CNOT6L: variants seen among roughly 807,000 people sequenced by gnomAD.
CNOT6L encodes CCR4-NOT transcription complex subunit 6 like.
In CNOT6L, 7 loss-of-function variants were observed where a neutral mutation model predicts 64.0. The ratio of observed to expected loss-of-function variants is 0.11; its 90% CI spans 0.06 to 0.21. The LOEUF (loss-of-function observed/expected upper bound fraction) is 0.21. CNOT6L is among the 10% of genes least tolerant of loss of function. The pLI, the probability that CNOT6L is intolerant of heterozygous loss-of-function variation, is 1.00. For missense variants in CNOT6L, 245 were observed against 669.0 expected, an observed-to-expected ratio of 0.37 and a Z score of 6.99; for synonymous variants, 193 against 243.4, an observed-to-expected ratio of 0.79 and a Z score of 1.93.
intron 1 of CNOT6L, among the ~76,000 whole-genome samples, chr4:77,777,950 G>A (rs1728333150): frequency 1.3e-5 from 2 of 152,206 alleles, no homozygotes; most frequent in Non-Finnish European, 2.9e-5. Context: ...GGAGCAAAGA[G>A]AAAGTTTTCC....
At chr4:77,794,990 G>C (rs1256685174) in intron 1 of CNOT6L, among the ~76,000 whole-genome samples, 1 of 150,920 alleles carries the variant, frequency 6.6e-6, no homozygotes, top group African/African-American at 2.4e-5. Flanking sequence ...TCTACATACA[G>C]GTAACAAGCA....
At chr4:77,788,810 C>G (rs1729758809) in intron 1 of CNOT6L, among the ~76,000 whole-genome samples, 1 of 151,166 alleles carries the variant, frequency 6.6e-6, no homozygotes, top group Non-Finnish European at 1.5e-5. Context: ...AAAAATTAAC[C>G]TCATTCTAAA....
At position 77,718,664 on chromosome 4, in the gene CNOT6L, T is replaced by TGAC. The variant is rs1379558112; in HGVS notation, c.*1764_*1766dup. 1 of 152,564 alleles carries TGAC rather than the reference T, an allele frequency of 6.6e-6. No homozygotes were observed. The highest frequency in any genetic ancestry group is 2.4e-5 in the African/African-American group (1 of 41,434). The allele number at this position is 152,564 out of a possible 1,614,324, so 9.5% of individuals were successfully genotyped here. A position where few individuals can be genotyped will look rare whatever the true frequency, so the allele number is the denominator to read the frequency against. On this transcript the variant is annotated 3_prime_UTR_variant, in exon 12 of 12. Coordinates refer to ENST00000504123, the MANE Select transcript of CNOT6L (RefSeq NM_144571.3). The stretch of plus-strand genomic sequence containing the variant: ...TTCTGATGCAATCCCATGTATGATA[T>TGAC]GACATCATCCCACCACCCTCGTCCC...
intron 1 of CNOT6L, among the ~76,000 whole-genome samples, chr4:77,783,284 A>G (rs181661912): frequency 2.0e-5 from 3 of 152,260 alleles, no homozygotes; most frequent in Admixed American, 2.0e-4. Context: ...TATTTATTGC[A>G]TGCCTATTCC....
intron 1 of CNOT6L, among the ~76,000 whole-genome samples, chr4:77,799,658 T>G (rs2110137525): frequency 7.0e-6 from 1 of 142,814 alleles, no homozygotes; most frequent in African/African-American, 2.6e-5. Flanking sequence ...GAGCTGAGAT[T>G]GTGCCATTGC....
chr4:77,775,652 C>A (rs1469540603), intron 2 of CNOT6L, among the ~76,000 whole-genome samples: 2 of 152,134 alleles, frequency 1.3e-5, no homozygotes, highest in South Asian at 2.1e-4. Context: ...ACGCAGGCTA[C>A]CATTTTGCAT....
At position 77,715,314 on chromosome 4, in the gene CNOT6L, A is replaced by C. The variant is rs1368326540; in HGVS notation, c.*5117T>G. The C allele has an allele frequency of 6.6e-6, 1 of 152,100 alleles. No homozygotes were observed. Among genetic ancestry groups the C allele is most frequent in the Non-Finnish European group, 1.5e-5 (1 of 68,004 alleles). The allele number at this position is 152,100 out of a possible 1,614,324, so 9.4% of individuals were successfully genotyped here. A position where few individuals can be genotyped will look rare whatever the true frequency, so the allele number is the denominator to read the frequency against. On this transcript the variant is annotated 3_prime_UTR_variant, in exon 12 of 12. Transcript: ENST00000504123. Reference sequence around the variant, plus strand: ...TTTGTTTCTGATGACATACTTCTAAAATGCAGTTCAATGCTACTCAGTTTA... The same window carrying C: ...TTTGTTTCTGATGACATACTTCTAACATGCAGTTCAATGCTACTCAGTTTA...
At chr4:77,742,022 G>C (rs1723653963) in intron 8 of CNOT6L, 119 bp downstream of exon 8, 2 of 847,158 alleles carry the variant, frequency 2.4e-6, no homozygotes, top group Non-Finnish European at 3.6e-6. Flanking sequence ...GTTTTAAGTT[G>C]CATAATACTT....
At chr4:77,812,461 A>C (rs1225841628) in intron 1 of CNOT6L, among the ~76,000 whole-genome samples, 1 of 151,194 alleles carries the variant, frequency 6.6e-6, no homozygotes, top group Admixed American at 6.6e-5. Context: ...AAAAAAAACT[A>C]TTAGAACTAA....
chr4:77,732,223 T>A (rs1391974673), intron 8 of CNOT6L, among the ~76,000 whole-genome samples: 1 of 152,142 alleles, frequency 6.6e-6, no homozygotes, highest in Non-Finnish European at 1.5e-5. Flanking sequence ...TCTGCACTAA[T>A]AATTTTTTCT....
intron 2 of CNOT6L, among the ~76,000 whole-genome samples, chr4:77,775,721 G>A (rs1560417467): frequency 6.6e-6 from 1 of 152,094 alleles, no homozygotes; most frequent in Non-Finnish European, 1.5e-5. Flanking sequence ...TGTTTTACAT[G>A]ACCATGACAA....
chr4:77,729,752 T>A (rs1359575272), intron 9 of CNOT6L, among the ~76,000 whole-genome samples: 1 of 152,092 alleles, frequency 6.6e-6, no homozygotes, highest in Non-Finnish European at 1.5e-5. Flanking sequence ...TCTAAGGTTT[T>A]TTTTTTATTC....
At chr4:77,766,740 G>GAAA (rs111326264) in intron 4 of CNOT6L, among the ~76,000 whole-genome samples, 1 of 136,958 alleles carries the variant, frequency 7.3e-6, no homozygotes, top group Non-Finnish European at 1.6e-5. Context: ...CAAGAAAAGA[G>GAAA]AAAAAAAAAA....
intron 1 of CNOT6L, among the ~76,000 whole-genome samples, chr4:77,789,930 A>C (rs1577987864): frequency 7.1e-6 from 1 of 140,442 alleles, no homozygotes; most frequent in Non-Finnish European, 1.5e-5. Context: ...TAAGCGACAA[A>C]GCAAGACACT....
At chr4:77,779,515 G>T (rs959271135) in intron 1 of CNOT6L, among the ~76,000 whole-genome samples, 3 of 151,372 alleles carry the variant, frequency 2.0e-5, no homozygotes, top group Admixed American at 1.3e-4. Context: ...TTCAATCTTT[G>T]TAAGTCCATT....
chr4:77,784,665 T>C (rs922723441), intron 1 of CNOT6L, among the ~76,000 whole-genome samples: 7 of 152,064 alleles, frequency 4.6e-5, no homozygotes, highest in African/African-American at 9.7e-5. Context: ...TTGTATTTTT[T>C]TGTAGAGATG....
intron 4 of CNOT6L, 128 bp from the exon 5 acceptor site, chr4:77,757,079 T>C (rs1040665198): frequency 1.2e-5 from 6 of 512,802 alleles, no homozygotes; most frequent in African/African-American, 9.6e-5. Flanking sequence ...CTATATTTAA[T>C]CTATTATATA....
intron 8 of CNOT6L, 25 bp from the exon 9 acceptor site, chr4:77,731,563 T>C (rs1722435987): frequency 6.8e-7 from 1 of 1,468,572 alleles, no homozygotes; most frequent in Non-Finnish European, 9.1e-7. Context: ...ATTATAATTT[T>C]AGGTACCTAG....
chr4:77,798,116 A>C (rs745762501), intron 1 of CNOT6L, among the ~76,000 whole-genome samples: 6 of 152,150 alleles, frequency 3.9e-5, no homozygotes, highest in Non-Finnish European at 8.8e-5. Context: ...ACTTGAGACC[A>C]GGAGTTCAAG....
Sources: gnomAD v4.1 joint callset for allele counts (sites outside exome capture counted in the v4.1 genomes callset) on GRCh38, gnomAD v4.1.1 for gene constraint, MANE v1.5 for transcripts, NCBI Gene and HGNC (gene_info 2026-07-23, HGNC 2026-07-21) for gene names.